Variants in SDHAF4 observed in about 807,000 individuals in gnomAD.
SDHAF4 encodes the protein succinate dehydrogenase complex assembly factor 4.
Under a neutral mutation model 14.3 loss-of-function variants are expected in SDHAF4, and 14 were observed. The ratio of observed to expected loss-of-function variants is 0.98; its 90% confidence interval spans 0.65 to 1.53. The LOEUF is 1.53. SDHAF4 is among the 40% of genes most tolerant of loss of function. The pLI is 0.00. For missense variants in SDHAF4, 141 were observed against 129.3 expected (o/e 1.09, Z -0.44); for synonymous variants, 63 against 47.3 (o/e 1.33, Z -1.36).
At chr6:70,581,825 G>A (rs1449646789) in intron 2 of SDHAF4, among the ~76,000 whole-genome samples, 2 of 151,886 alleles carry the variant, frequency 1.3e-5, no homozygotes, top group Non-Finnish European at 2.9e-5. Flanking sequence ...ACCCAGGCTG[G>A]CCTCAACTCC....
chr6:70,594,634 C>T, the SDHAF4 span, among the ~76,000 whole-genome samples: 4,140 of 152,212 alleles, frequency 0.027, 140 homozygotes, highest in East Asian at 0.085. Context: ...ATTTTTCAGC[C>T]GGGTGCAATG....
rs5877254 is a variant in SDHAF4 at position 70,568,962 on chromosome 6, C to CTTTTTTTTTTTTTTTTTTT, written c.64+1961_64+1979dup. Among the ~76,000 whole-genome samples, 34 of 97,988 alleles carry CTTTTTTTTTTTTTTTTTTT rather than the reference C, an allele frequency of 3.5e-4. 2 individuals are homozygous for CTTTTTTTTTTTTTTTTTTT. Among genetic ancestry groups the CTTTTTTTTTTTTTTTTTTT allele is most frequent in the African/African-American group, 1.3e-3 (31 of 23,746 alleles). 64.3% of individuals were successfully genotyped at this position (97,988 alleles called of 152,430 possible). On this transcript the variant is annotated intron_variant, in intron 1 of 2. Coordinates refer to ENST00000370474, the MANE Select transcript of SDHAF4 (RefSeq NM_145267.3). ...TTTGTGAAATACCTCTTTCTTTTTTCTTTTTTTTTTTTTTTTTTTTTGAGG... is the reference window on the plus strand; with the variant it reads ...TTTGTGAAATACCTCTTTCTTTTTTCTTTTTTTTTTTTTTTTTTTTTTTTTTTTTTTTTTTTTTTTGAGG...
At chr6:70,570,643 T>G (rs1362585264) in intron 1 of SDHAF4, among the ~76,000 whole-genome samples, 2 of 150,046 alleles carry the variant, frequency 1.3e-5, no homozygotes, top group African/African-American at 4.9e-5. Context: ...CTTTCTTTGC[T>G]CAGATTTCCA....
chr6:70,572,818 G>A (rs1802202333), intron 1 of SDHAF4, among the ~76,000 whole-genome samples: 1 of 152,078 alleles, frequency 6.6e-6, no homozygotes, highest in Admixed American at 6.5e-5. Flanking sequence ...CTGTGTGTGT[G>A]TGCACATGCA....
chr6:70,575,885 G>A (rs556930350), intron 1 of SDHAF4, among the ~76,000 whole-genome samples: 1 of 151,626 alleles, frequency 6.6e-6, no homozygotes, highest in South Asian at 2.1e-4. Flanking sequence ...GTTATTTCAT[G>A]ATGTTGTTAA....
chr6:70,578,956 C>T (rs12203089), intron 1 of SDHAF4, among the ~76,000 whole-genome samples: 19,590 of 152,132 alleles, frequency 0.13, 1,546 homozygotes, highest in Middle Eastern at 0.19. Context: ...ACTGAGACTA[C>T]GGGTGCATGC....
At position 70,568,962 on chromosome 6, in the gene SDHAF4, C is replaced by CTTTTTTTTTTTTTT. The variant is rs5877254; in HGVS notation, c.64+1966_64+1979dup. ...TTTGTGAAATACCTCTTTCTTTTTT[C>CTTTTTTTTTTTTTT]TTTTTTTTTTTTTTTTTTTTTGAGG... On this transcript the variant is annotated intron_variant, in intron 1 of 2. Transcript: ENST00000370474. 1.2e-3 allele frequency among the ~76,000 whole-genome samples: 121 copies of CTTTTTTTTTTTTTT among 97,958 alleles called. 1 individual carries two copies. The highest frequency in any genetic ancestry group is 2.1e-3 in the East Asian group (7 of 3,344). 64.3% of individuals were successfully genotyped at this position (97,958 alleles called of 152,430 possible).
chr6:70,577,375 A>G (rs777014345), intron 1 of SDHAF4, among the ~76,000 whole-genome samples: 1 of 152,082 alleles, frequency 6.6e-6, no homozygotes, highest in African/African-American at 2.4e-5. Context: ...TCTAAAAGCA[A>G]TTTCTTTAGG....
intron 2 of SDHAF4, among the ~76,000 whole-genome samples, chr6:70,583,587 T>G (rs62421394): frequency 0.18 from 27,137 of 152,158 alleles, 2,569 homozygotes; most frequent in Middle Eastern, 0.25. Context: ...TAATACAGGG[T>G]TGTCCAATCT....
At chr6:70,587,522 G>A (rs763733633) in intron 2 of SDHAF4, among the ~76,000 whole-genome samples, 18 of 152,044 alleles carry the variant, frequency 1.2e-4, no homozygotes, top group African/African-American at 2.4e-4. Context: ...AAGAATTAGC[G>A]CTCTGTCTAA....
chr6:70,586,521 C>T (rs1321063623), intron 2 of SDHAF4, among the ~76,000 whole-genome samples: 1 of 149,804 alleles, frequency 6.7e-6, no homozygotes, highest in African/African-American at 2.5e-5. Context: ...TACTGTGTCC[C>T]TCACCCCACC....
intron 2 of SDHAF4, among the ~76,000 whole-genome samples, chr6:70,584,060 C>T (rs1397610552): frequency 1.3e-5 from 2 of 152,210 alleles, no homozygotes; most frequent in Middle Eastern, 3.4e-3. Flanking sequence ...GAGTCTTGCT[C>T]TGTTGCCCAG....
intron 1 of SDHAF4, among the ~76,000 whole-genome samples, chr6:70,568,939 T>G (rs923512761): frequency 1.3e-5 from 2 of 151,738 alleles, no homozygotes; most frequent in South Asian, 4.2e-4. Flanking sequence ...ATTCACTTTT[T>G]GTGAAATACC....
At chr6:70,581,876 TG>T (rs1416734309) in intron 2 of SDHAF4, among the ~76,000 whole-genome samples, 3 of 152,140 alleles carry the variant, frequency 2.0e-5, no homozygotes, top group African/African-American at 7.2e-5. Context: ...CCCAAAGTGC[TG>T]GGATTACAAG....
intron 2 of SDHAF4, among the ~76,000 whole-genome samples, chr6:70,584,495 A>G (rs1044740206): frequency 2.0e-5 from 3 of 152,206 alleles, no homozygotes; most frequent in African/African-American, 7.2e-5. Context: ...ACTCTACAGT[A>G]TGTAGTCTTT....
chr6:70,598,245 G>T, the SDHAF4 span, among the ~76,000 whole-genome samples: 1 of 152,136 alleles, frequency 6.6e-6, no homozygotes, highest in African/African-American at 2.4e-5. Context: ...CAGGCATGCT[G>T]GCGGGCACCT....
chr6:70,592,631 G>A (rs1765268292), downstream of SDHAF4, among the ~76,000 whole-genome samples: 1 of 152,158 alleles, frequency 6.6e-6, no homozygotes, highest in African/African-American at 2.4e-5. Flanking sequence ...TAGAATATTT[G>A]ACGGAAGAAA....
chr6:70,583,088 C>A (rs963188443), intron 2 of SDHAF4, among the ~76,000 whole-genome samples: 2 of 152,094 alleles, frequency 1.3e-5, no homozygotes, highest in Non-Finnish European at 2.9e-5. Context: ...AAAGAGATAA[C>A]GTTTGAGCTG....
intron 1 of SDHAF4, among the ~76,000 whole-genome samples, chr6:70,576,127 A>AC (rs1802252610): frequency 6.6e-6 from 1 of 151,950 alleles, no homozygotes. Context: ...CACTACCAAC[A>AC]CCCCTGGCAG....
Sources: allele counts gnomAD v4.1 joint callset (sites outside exome capture counted in the v4.1 genomes callset), GRCh38; gene constraint gnomAD v4.1.1; transcripts MANE v1.5; gene names NCBI Gene and HGNC (gene_info 2026-07-23, HGNC 2026-07-21).